The following CLUL1 variants were observed in gnomAD, a reference collection of about 807,000 sequenced individuals.
The protein encoded by CLUL1 is clusterin-like protein 1.
Under a neutral mutation model 49.4 loss-of-function variants are expected in CLUL1, and 43 were observed. That is an observed-to-expected ratio of 0.87 (90% confidence interval 0.68 to 1.12). CLUL1 has a LOEUF of 1.12. Ranked by LOEUF, CLUL1 falls within the 50% of genes most tolerant of loss-of-function variation. The pLI, the probability that CLUL1 is intolerant of heterozygous loss-of-function variation, is 0.00. For synonymous variants in CLUL1, 192 were observed against 184.9 expected (o/e 1.04, Z -0.31); for missense variants, 486 against 544.4 (o/e 0.89, Z 1.07).
At position 649,958 on chromosome 18, in the gene CLUL1, G is replaced by A; in HGVS notation, c.*57G>A. The A allele has an allele frequency of 1.7e-6, 2 of 1,149,486 alleles. No individual in the cohort carries two copies. The highest frequency in any genetic ancestry group is 2.5e-6 in the Non-Finnish European group (2 of 789,466). 71.2% of individuals were successfully genotyped at this position (1,149,486 alleles called of 1,614,324 possible). A position where few individuals can be genotyped will look rare whatever the true frequency, so the allele number is the denominator to read the frequency against. The stretch of plus-strand genomic sequence containing the variant: ...AGAATTATCTCTTCATCTGGGACCT[G>A]GAAATCCTGAAATAAAAAAGGATAA... On this transcript the variant is annotated 3_prime_UTR_variant, in exon 10 of 10. Transcript: ENST00000692774.
At chr18:648,856 C>G (rs954647583) in intron 9 of CLUL1, among the ~76,000 whole-genome samples, 1 of 152,070 alleles carries the variant, frequency 6.6e-6, no homozygotes, top group African/African-American at 2.4e-5. Flanking sequence ...TGTGTTTTTA[C>G]CATGTTGGCC....
chr18:630,510 A>C (rs2073962089), intron 6 of CLUL1, among the ~76,000 whole-genome samples: 1 of 152,108 alleles, frequency 6.6e-6, no homozygotes, highest in Non-Finnish European at 1.5e-5. Flanking sequence ...AAAAGAATTA[A>C]TAGTAGCAGC....
intron 2 of CLUL1, among the ~76,000 whole-genome samples, chr18:612,200 G>T (rs1282015140): frequency 6.6e-6 from 1 of 152,120 alleles, no homozygotes; most frequent in Non-Finnish European, 1.5e-5. Flanking sequence ...GTGCATTATT[G>T]TTGCCCTTTG....
intron 4 of CLUL1, among the ~76,000 whole-genome samples, chr18:621,880 T>C (rs767174552): frequency 2.4e-4 from 37 of 152,190 alleles, no homozygotes; most frequent in Non-Finnish European, 4.6e-4. Flanking sequence ...TATTCCACTT[T>C]GGGTGGGTCA....
In CLUL1 at chr18:606,765, T is replaced by C. The variant is rs916367250; in HGVS notation, c.-135-213T>C. On this transcript the variant is annotated intron_variant, in intron 1 of 9. Coordinates refer to ENST00000692774, the MANE Select transcript of CLUL1 (RefSeq NM_001393344.1). This position sits in a 1 kb window ranked among gnomAD's most constrained non-coding sequence, Gnocchi z 4.1. ...AATAAAACGTAAAACAACAAACATATACACACAAACAAAAATAAACGTGAG... is the reference window on the plus strand; with the variant it reads ...AATAAAACGTAAAACAACAAACATACACACACAAACAAAAATAAACGTGAG... Among the ~76,000 whole-genome samples the C allele has an allele frequency of 1.3e-5, 2 of 151,990 alleles. No homozygotes were observed. Among genetic ancestry groups the C allele is most frequent in the Admixed American group, 6.6e-5 (1 of 15,260 alleles).
chr18:631,412 T>C (rs1275364509), intron 6 of CLUL1, among the ~76,000 whole-genome samples: 3 of 152,024 alleles, frequency 2.0e-5, no homozygotes, highest in Admixed American at 1.3e-4. Flanking sequence ...CCTTAGAGAG[T>C]GTTAGTTAAC....
intron 8 of CLUL1, among the ~76,000 whole-genome samples, chr18:643,249 C>T (rs2074390956): frequency 6.6e-6 from 1 of 152,114 alleles, no homozygotes; most frequent in Admixed American, 6.5e-5. Context: ...AACATATATA[C>T]ACATATGTAG....
intron 7 of CLUL1, among the ~76,000 whole-genome samples, chr18:633,882 C>G (rs754369000): frequency 7.0e-6 from 1 of 142,046 alleles, no homozygotes; most frequent in East Asian, 2.2e-4. Flanking sequence ...AGCGTGTAAT[C>G]GAAAAAGGTT....
chr18:619,578 G>T (rs974980253), intron 4 of CLUL1, among the ~76,000 whole-genome samples: 1 of 152,052 alleles, frequency 6.6e-6, no homozygotes, highest in Non-Finnish European at 1.5e-5. Context: ...GGAATCTGGG[G>T]GATTCATCTC....
chr18:626,269 C>T (rs923762210), intron 5 of CLUL1, among the ~76,000 whole-genome samples: 8 of 152,046 alleles, frequency 5.3e-5, no homozygotes, highest in Non-Finnish European at 8.8e-5. Flanking sequence ...CCCACCACCA[C>T]GCCTAGCTAA....
intron 1 of CLUL1, among the ~76,000 whole-genome samples, chr18:601,593 G>A (rs796471459): frequency 7.3e-5 from 11 of 151,620 alleles, no homozygotes; most frequent in African/African-American, 2.7e-4. Flanking sequence ...GTTGCAGTGA[G>A]CCCAGATCAC....
intron 5 of CLUL1, among the ~76,000 whole-genome samples, 132 bp from the exon 6 acceptor site, chr18:626,938 GGAAAGAAGGAAGGAAGGAAGGAAGGAA>G (rs2073782565): frequency 4.8e-4 from 4 of 8,390 alleles, no homozygotes; most frequent in African/African-American, 1.3e-3. Flanking sequence ...AAGGAAAGAA[GGAAAGAAGGAAGGAAGGAAGGAAGGAA>G]GGAAGGAAGG....
At chr18:619,866 C>A (rs546756644) in intron 4 of CLUL1, among the ~76,000 whole-genome samples, 1 of 151,960 alleles carries the variant, frequency 6.6e-6, no homozygotes, top group African/African-American at 2.4e-5. Flanking sequence ...CCTACCACCA[C>A]GCCTGGCTAA....
Position 627,181 on chromosome 18 carries a change from C to G in CLUL1, c.508C>G (p.Leu170Val). Reference protein sequence around the residue: ...NEKDLPISEKLIEEDAQLTQM... With the variant: ...NEKDLPISEKVIEEDAQLTQM... ...AAAAGATCTCCCCATCAGTGAAAAG[C>G]TCATTGAGGAAGATGCACAATTGAC... Residue 170 changes from leucine (L) to valine (V), a missense_variant, in exon 6 of 10, where the codon CTC (leucine) becomes GTC (valine). Leu to Val is a conservative substitution (Grantham distance 32, BLOSUM62 1). Coordinates refer to ENST00000692774, the MANE Select transcript of CLUL1 (RefSeq NM_001393344.1). 1 of 1,612,200 alleles carries G rather than the reference C, an allele frequency of 6.2e-7. No homozygotes were observed. Among genetic ancestry groups the G allele is most frequent in the South Asian group, 1.1e-5 (1 of 90,994 alleles).
intron 5 of CLUL1, 38 bp from the exon 6 acceptor site, chr18:627,058 AT>A (rs760670655): frequency 8.4e-7 from 1 of 1,187,564 alleles, no homozygotes; most frequent in South Asian, 1.9e-5. Context: ...AAAGAAAATA[AT>A]TTTTTATTCC....
intron 9 of CLUL1, among the ~76,000 whole-genome samples, chr18:645,808 AAAATATAT>A (rs1454962421): frequency 3.5e-5 from 2 of 56,910 alleles, no homozygotes; most frequent in Admixed American, 1.8e-4. Context: ...AAAAAAAAAA[AAAATATAT>A]ATATATATAT....
chr18:631,277 G>C (rs779612936), intron 6 of CLUL1, among the ~76,000 whole-genome samples: 2 of 152,136 alleles, frequency 1.3e-5, no homozygotes, highest in Non-Finnish European at 2.9e-5. Flanking sequence ...AAAGCGAATA[G>C]GTCCAGGAAA....
In CLUL1 at chr18:624,998, C is replaced by T; in HGVS notation, c.389C>T (p.Thr130Ile). Residue 130 changes from threonine (T) to isoleucine (I), a missense_variant, in exon 5 of 10, where the codon ACC becomes ATC. Physicochemically the swap from Thr to Ile is moderately conservative, Grantham distance 89. Transcript: ENST00000692774. ...LENNCMRIYT[T>I]CQPSWSSVKN... Reference sequence around the variant, plus strand: ...AATAACTGCATGAGAATTTATACAACCTGCCAACCTAGCTGGTCCTCTGTG... The same window carrying T: ...AATAACTGCATGAGAATTTATACAATCTGCCAACCTAGCTGGTCCTCTGTG... 1.1e-5 allele frequency: 17 copies of T among 1,614,100 alleles called. No individual in the cohort carries two copies. The highest frequency in any genetic ancestry group is 1.4e-5 in the Non-Finnish European group (17 of 1,179,998).
intron 2 of CLUL1, among the ~76,000 whole-genome samples, chr18:609,064 A>G (rs1404002619): frequency 1.3e-5 from 2 of 152,228 alleles, no homozygotes; most frequent in Non-Finnish European, 2.9e-5. Context: ...TTGCATATAC[A>G]CAATGAGATA....
Sources: allele counts gnomAD v4.1 joint callset (sites outside exome capture counted in the v4.1 genomes callset), GRCh38; gene constraint gnomAD v4.1.1; non-coding constraint Gnocchi (gnomAD v3.1); transcripts MANE v1.5; gene names NCBI Gene and HGNC (gene_info 2026-07-23, HGNC 2026-07-21).